ATG7: variants seen among roughly 807,000 people sequenced by gnomAD.
The protein encoded by ATG7 is ubiquitin-like modifier-activating enzyme ATG7.
ATG7 carries 70 observed loss-of-function variants against 82.4 expected under a neutral mutation model. That is an observed-to-expected ratio of 0.85 (90% CI 0.70 to 1.04). The LOEUF (loss-of-function observed/expected upper bound fraction) is 1.04, where lower values mean the gene tolerates loss of function less well. Ranked by LOEUF, ATG7 falls within the 50% of genes least tolerant of loss-of-function variation. The probability of loss-of-function intolerance (pLI) is 0.00; values close to 1 mark genes in which losing one functional copy is unlikely to be tolerated. For missense variants in ATG7, 792 were observed against 864.3 expected (o/e 0.92, Z 1.05); for synonymous variants, 287 against 313.0 (o/e 0.92, Z 0.88).
chr3:11,518,855 G>A (rs1421785604), intron 20 of ATG7, among the ~76,000 whole-genome samples: 1 of 152,118 alleles, frequency 6.6e-6, no homozygotes, highest in African/African-American at 2.4e-5. Context: ...CAACTGGTAA[G>A]ATAAACAATC....
At chr3:11,558,246 G>T, downstream of ATG7, 1 of 449,294 alleles carries the variant, frequency 2.2e-6, no homozygotes, top group Non-Finnish European at 4.0e-6. Flanking sequence ...AAGCGCTGTG[G>T]AGTCCTGGCC....
chr3:11,446,389 T>C, intron 20 of ATG7: 1 of 302,080 alleles, frequency 3.3e-6, no homozygotes, highest in South Asian at 2.7e-5. Flanking sequence ...TCTTTATTTG[T>C]AAGACTATAA....
chr3:11,568,195 T>G, the ATG7 span, among the ~76,000 whole-genome samples: 2 of 152,192 alleles, frequency 1.3e-5, no homozygotes, highest in Admixed American at 6.5e-5. This position sits in a 1 kb window ranked among gnomAD's most constrained non-coding sequence, Gnocchi z 5.9. Context: ...CGTCTGCCCA[T>G]GTCCAAAGCC....
At chr3:11,491,549 T>C (rs2090357237) in intron 20 of ATG7, among the ~76,000 whole-genome samples, 1 of 152,214 alleles carries the variant, frequency 6.6e-6, no homozygotes, top group Non-Finnish European at 1.5e-5. Flanking sequence ...AGAGGCGCTC[T>C]GCTTTTTAGA....
intron 18 of ATG7, among the ~76,000 whole-genome samples, chr3:11,369,676 A>G (rs1188226733): frequency 6.6e-6 from 1 of 151,212 alleles, no homozygotes; most frequent in African/African-American, 2.4e-5. Flanking sequence ...AGGTCCCAGA[A>G]GAAGAGTCAA....
chr3:11,547,420 C>T (rs969051447), intron 20 of ATG7, among the ~76,000 whole-genome samples: 3 of 152,134 alleles, frequency 2.0e-5, no homozygotes, highest in Admixed American at 6.5e-5. Flanking sequence ...TGTTTCCACT[C>T]GTTTCCTATT....
intron 7 of ATG7, among the ~76,000 whole-genome samples, chr3:11,313,009 A>G (rs1467926486): frequency 6.6e-6 from 1 of 152,218 alleles, no homozygotes; most frequent in East Asian, 1.9e-4. Context: ...AGGTTAAAGG[A>G]TGATGATGAT....
chr3:11,372,004 G>A (rs551154864), intron 18 of ATG7, among the ~76,000 whole-genome samples: 8 of 151,520 alleles, frequency 5.3e-5, no homozygotes, highest in African/African-American at 1.2e-4. Flanking sequence ...GAGGCCAAAC[G>A]ACCTATTCTG....
At chr3:11,469,820 C>T (rs1376440098) in intron 20 of ATG7, among the ~76,000 whole-genome samples, 1 of 151,504 alleles carries the variant, frequency 6.6e-6, no homozygotes, top group Non-Finnish European at 1.5e-5. Context: ...AATCCCATCT[C>T]CACTAAAAAT....
At position 11,533,682 on chromosome 3, in the gene ATG7, C is replaced by A. The variant is rs531775396; in HGVS notation, c.2080-21129C>A. Among the ~76,000 whole-genome samples, 132 of 152,186 alleles carry A rather than the reference C, an allele frequency of 8.7e-4. 1 individual carries two copies. Among genetic ancestry groups the A allele is most frequent in the African/African-American group, 3.1e-3 (130 of 41,518 alleles). On this transcript the variant is annotated intron_variant, in intron 20 of 20. Coordinates refer to ENST00000693202, the MANE Select transcript of ATG7 (RefSeq NM_001349232.2). ...TGCAAGGGAACACATGGAGCTGATT[C>A]TTTAAAGATGTTATTTTTTGAAGCC...
At chr3:11,409,550 T>C (rs1288009645) in intron 19 of ATG7, among the ~76,000 whole-genome samples, 4 of 152,232 alleles carry the variant, frequency 2.6e-5, no homozygotes, top group South Asian at 2.1e-4. Flanking sequence ...TTTCAACTTA[T>C]AGTTGGTGTA....
At position 11,342,280 on chromosome 3, in the gene ATG7, G is replaced by GTT; in HGVS notation, c.1125+2_1125+3insTT. On this transcript the variant is annotated splice_donor_variant, in intron 13 of 20. Transcript: ENST00000693202. LOFTEE classifies it high-confidence loss of function. ...TTGCAATGTAGCTAGGACGTTGATGGTAAGTCGGAGGTGGGGGGTGCAAAT... is the reference window on the plus strand; with the variant it reads ...TTGCAATGTAGCTAGGACGTTGATGGTTTAAGTCGGAGGTGGGGGGTGCAAAT... 1 of 1,611,154 alleles carries GTT rather than the reference G, an allele frequency of 6.2e-7. No homozygotes were observed. Among genetic ancestry groups the GTT allele is most frequent in the Non-Finnish European group, 8.5e-7 (1 of 1,179,286 alleles).
chr3:11,446,013 C>T (rs914053129), intron 20 of ATG7, among the ~76,000 whole-genome samples: 2 of 152,050 alleles, frequency 1.3e-5, no homozygotes, highest in African/African-American at 4.8e-5. Flanking sequence ...AAAGAAAGCA[C>T]AGTAGGATGA....
intron 20 of ATG7, among the ~76,000 whole-genome samples, chr3:11,458,017 C>T (rs1193028596): frequency 6.6e-6 from 1 of 152,158 alleles, no homozygotes; most frequent in Non-Finnish European, 1.5e-5. Flanking sequence ...AATGAGCTCA[C>T]CTCAGATGCC....
chr3:11,334,667 C>G (rs1264302193), intron 11 of ATG7, among the ~76,000 whole-genome samples: 1 of 151,628 alleles, frequency 6.6e-6, no homozygotes, highest in Non-Finnish European at 1.5e-5. Context: ...GTGTCAAAAT[C>G]TCTTCCAAGG....
At chr3:11,529,923 T>C (rs945878480) in intron 20 of ATG7, among the ~76,000 whole-genome samples, 2 of 152,154 alleles carry the variant, frequency 1.3e-5, no homozygotes, top group Admixed American at 6.6e-5. Context: ...GCATGACCCA[T>C]CTGCACCACC....
At chr3:11,421,239 G>A (rs950895283) in intron 19 of ATG7, among the ~76,000 whole-genome samples, 6 of 152,072 alleles carry the variant, frequency 3.9e-5, no homozygotes, top group Non-Finnish European at 4.4e-5. Context: ...TGCAGCAGTT[G>A]GCTTTTCCTT....
chr3:11,315,260 A>G, intron 8 of ATG7, 84 bp from the exon 9 acceptor site: 1 of 1,266,528 alleles, frequency 7.9e-7, no homozygotes, highest in Non-Finnish European at 1.0e-6. Context: ...TCTGGTTTTA[A>G]GGTACCTTTT....
intron 9 of ATG7, among the ~76,000 whole-genome samples, chr3:11,325,103 C>G (rs1950682473): frequency 6.6e-6 from 1 of 152,184 alleles, no homozygotes; most frequent in African/African-American, 2.4e-5. Flanking sequence ...CTAGGAACAA[C>G]AAGCTATACC....
Sources: allele counts gnomAD v4.1 joint callset (sites outside exome capture counted in the v4.1 genomes callset), GRCh38; gene constraint gnomAD v4.1.1; non-coding constraint Gnocchi (gnomAD v3.1); transcripts MANE v1.5; gene names NCBI Gene and HGNC (gene_info 2026-07-23, HGNC 2026-07-21).